Variants in DAB1 observed in about 807,000 individuals in gnomAD.
DAB1 encodes the protein disabled homolog 1.
DAB1 carries 15 observed loss-of-function variants against 64.6 expected under a neutral mutation model. The ratio of observed to expected loss-of-function variants is 0.23; its 90% CI spans 0.16 to 0.36. The LOEUF is 0.36. Among genes scored for constraint, DAB1 ranks in the 10% least tolerant of loss-of-function variants. The pLI, the probability that DAB1 is intolerant of heterozygous loss-of-function variation, is 1.00. For missense variants in DAB1, 596 were observed against 706.7 expected (o/e 0.84, Z 1.78); for synonymous variants, 235 against 251.9 (o/e 0.93, Z 0.64).
At chr1:57,214,574 C>T (rs197602) in intron 2 of DAB1, among the ~76,000 whole-genome samples, 84,404 of 151,788 alleles carry the variant, frequency 0.56, 24,266 homozygotes, top group African/African-American at 0.7. Context: ...TGTTGCCCTA[C>T]CTAGCCTAAG....
chr1:57,952,512 T>TTA (rs1218838123), intron 5 of DAB1, among the ~76,000 whole-genome samples: 2 of 151,980 alleles, frequency 1.3e-5, no homozygotes, highest in East Asian at 3.9e-4. Flanking sequence ...CTAACACATG[T>TTA]GGGGACAGAA....
rs575022648 is a variant in DAB1 at position 57,118,300 on chromosome 1, A to C, written c.306+18243T>G. 6.8e-4 allele frequency among the ~76,000 whole-genome samples: 104 copies of C among 152,200 alleles called. 1 individual carries two copies. The highest frequency in any genetic ancestry group is 6.5e-4 in the Non-Finnish European group (44 of 68,030). The stretch of plus-strand genomic sequence containing the variant: ...ATCAACAAATTTTCATGAAAGGAAA[A>C]GGAAGTATAGGCCATACTGCAAAAC... On this transcript the variant is annotated intron_variant, in intron 4 of 14. Transcript: ENST00000371236.
chr1:57,103,196 T>C (rs1203897204), intron 4 of DAB1, among the ~76,000 whole-genome samples: 1 of 152,038 alleles, frequency 6.6e-6, no homozygotes, highest in Non-Finnish European at 1.5e-5. Flanking sequence ...GGGGGGCTGG[T>C]GAAGAAAAAC....
At chr1:57,301,286 A>AGAGTCT (rs1298878713) in intron 1 of DAB1, among the ~76,000 whole-genome samples, 1 of 152,190 alleles carries the variant, frequency 6.6e-6, no homozygotes, top group African/African-American at 2.4e-5. Context: ...CTCCCAGGGC[A>AGAGTCT]GAGTCTGACC....
intron 5 of DAB1, among the ~76,000 whole-genome samples, chr1:57,914,187 A>C (rs1247040012): frequency 6.6e-6 from 1 of 152,198 alleles, no homozygotes; most frequent in African/African-American, 2.4e-5. Flanking sequence ...AAAGACTTGG[A>C]ACCAACCCAA....
chr1:57,859,039 G>C (rs852805), intron 1 of DAB1, among the ~76,000 whole-genome samples: 1 of 151,742 alleles, frequency 6.6e-6, no homozygotes, highest in Admixed American at 6.6e-5. Context: ...GGGGGTTGTC[G>C]TTTGAGTCCT....
intron 2 of DAB1, among the ~76,000 whole-genome samples, chr1:57,193,291 C>T (rs1203176102): frequency 2.0e-5 from 3 of 151,850 alleles, no homozygotes; most frequent in Admixed American, 2.0e-4. Flanking sequence ...TCTTTAGATC[C>T]CACATATCAG....
intron 4 of DAB1, among the ~76,000 whole-genome samples, chr1:57,097,820 C>T (rs1278481750): frequency 6.6e-6 from 1 of 151,880 alleles, no homozygotes; most frequent in African/African-American, 2.4e-5. Flanking sequence ...CTCTGTGGCA[C>T]AGGCTGGAGT....
intron 3 of DAB1, among the ~76,000 whole-genome samples, chr1:58,406,716 CCCCCA>C (rs1432219053): frequency 1.2e-5 from 1 of 83,182 alleles, no homozygotes; most frequent in African/African-American, 6.1e-5. Flanking sequence ...TCATCCCCCC[CCCCCA>C]ACTGCCACCA....
At chr1:57,556,317 T>C (rs1462938330) in intron 7 of DAB1, among the ~76,000 whole-genome samples, 1 of 152,264 alleles carries the variant, frequency 6.6e-6, no homozygotes, top group Non-Finnish European at 1.5e-5. Flanking sequence ...CTGGATCAAA[T>C]GGTGGTTCTA....
intron 5 of DAB1, among the ~76,000 whole-genome samples, chr1:57,999,753 G>T (rs577991522): frequency 6.6e-6 from 1 of 152,100 alleles, no homozygotes; most frequent in South Asian, 2.1e-4. Flanking sequence ...AAGAAACCCT[G>T]GTCTACAGCT....
intron 1 of DAB1, among the ~76,000 whole-genome samples, chr1:58,530,290 G>A (rs1010404334): frequency 2.0e-5 from 3 of 152,136 alleles, no homozygotes; most frequent in Non-Finnish European, 4.4e-5. Flanking sequence ...CAGTTACTAC[G>A]AAAGGAAGGG....
At chr1:57,313,314 G>GAC (rs1674896320) in intron 1 of DAB1, among the ~76,000 whole-genome samples, 1 of 152,278 alleles carries the variant, frequency 6.6e-6, no homozygotes, top group South Asian at 2.1e-4. Context: ...CCCACAATAT[G>GAC]ACAGTCAGGG....
chr1:57,462,954 C>T (rs1686834589), intron 7 of DAB1, among the ~76,000 whole-genome samples: 2 of 151,804 alleles, frequency 1.3e-5, no homozygotes, highest in Admixed American at 1.3e-4. Context: ...AGAAGAACCC[C>T]CAAACAAGAA....
intron 4 of DAB1, among the ~76,000 whole-genome samples, chr1:58,303,690 T>G (rs1662225728): frequency 6.6e-6 from 1 of 151,894 alleles, no homozygotes; most frequent in Non-Finnish European, 1.5e-5. Flanking sequence ...AGATCAGGGG[T>G]TTAGCTTATA....
intron 6 of DAB1, among the ~76,000 whole-genome samples, chr1:57,732,970 G>GAATT (rs1557449345): frequency 6.6e-6 from 1 of 152,110 alleles, no homozygotes; most frequent in Non-Finnish European, 1.5e-5. Flanking sequence ...CTTTTGCATG[G>GAATT]TGCCCTGCAA....
chr1:58,332,220 T>A (rs762492787), intron 4 of DAB1, among the ~76,000 whole-genome samples: 9 of 152,142 alleles, frequency 5.9e-5, no homozygotes, highest in Non-Finnish European at 1.0e-4. Flanking sequence ...GATTCCACCT[T>A]CCCTTTTGAA....
intron 4 of DAB1, among the ~76,000 whole-genome samples, chr1:58,250,204 C>G (rs889467828): frequency 6.6e-6 from 1 of 152,214 alleles, no homozygotes; most frequent in African/African-American, 2.4e-5. Flanking sequence ...TCGAGCCTCT[C>G]ACGCCGCGGC....
intron 3 of DAB1, among the ~76,000 whole-genome samples, chr1:58,420,603 T>A (rs1456175431): frequency 1.3e-5 from 2 of 152,220 alleles, no homozygotes; most frequent in African/African-American, 4.8e-5. Context: ...GCGCCTTGCC[T>A]TGTACTCTTT....
Sources: gnomAD v4.1 joint callset for allele counts (sites outside exome capture counted in the v4.1 genomes callset) on GRCh38, gnomAD v4.1.1 for gene constraint, MANE v1.5 for transcripts, NCBI Gene and HGNC (gene_info 2026-07-23, HGNC 2026-07-21) for gene names.